Variants in TAFA1 observed in about 807,000 individuals in gnomAD.
TAFA1 encodes chemokine-like protein TAFA-1.
TAFA1 carries 4 observed loss-of-function variants against 18.5 expected under a neutral mutation model. That is an observed-to-expected ratio of 0.22 (90% CI 0.11 to 0.49). The LOEUF (loss-of-function observed/expected upper bound fraction) is 0.49. Ranked by LOEUF, TAFA1 falls within the 20% of genes least tolerant of loss-of-function variation. TAFA1 has a pLI of 0.98. For synonymous variants in TAFA1, 56 were observed against 55.2 expected (o/e 1.01, Z -0.06); for missense variants, 147 against 169.0 (o/e 0.87, Z 0.72).
At chr3:68,132,646 A>G (rs1484641040) in intron 2 of TAFA1, among the ~76,000 whole-genome samples, 2 of 151,984 alleles carry the variant, frequency 1.3e-5, no homozygotes, top group Non-Finnish European at 2.9e-5. Context: ...GCTTTTTTTC[A>G]TATATTTGTT....
In TAFA1 at chr3:68,521,845, T is replaced by G. The variant is rs547862770; in HGVS notation, c.260-16911T>G. On this transcript the variant is annotated intron_variant, in intron 3 of 4. Coordinates refer to ENST00000478136, the MANE Select transcript of TAFA1 (RefSeq NM_213609.4). ...ATAGAAGTGAGTCTGGGTTTTTCTG[T>G]GTTTTTTTCTGTTTTTTTTTTTTTT... Among the ~76,000 whole-genome samples, 6 of 103,612 alleles carry G rather than the reference T, an allele frequency of 5.8e-5. No individual in the cohort carries two copies. The South Asian group carries it at 2.5e-3, about 43-fold the overall frequency. 68.0% of individuals were successfully genotyped at this position (103,612 alleles called of 152,430 possible).
Position 68,544,466 on chromosome 3 carries a change from C to CT in TAFA1, c.385-19dup, listed in dbSNP as rs755387529. ...GTTTGCACTGTTCTCCCTGAAATGT[C>CT]TGTCTTTCTTTGGTTTCAGATTCAC... On this transcript the variant is annotated intron_variant, in intron 4 of 4. Transcript: ENST00000478136. 6.2e-7 allele frequency: 1 copy of CT among 1,612,112 alleles called. No individual in the cohort carries two copies. Among genetic ancestry groups the CT allele is most frequent in the Admixed American group, 1.7e-5 (1 of 59,840 alleles).
At chr3:68,002,183 G>T (rs1265587775), upstream of TAFA1, among the ~76,000 whole-genome samples, 2 of 152,100 alleles carry the variant, frequency 1.3e-5, no homozygotes, top group African/African-American at 4.8e-5. Flanking sequence ...TACATTATTA[G>T]GACAAATGAT....
intron 2 of TAFA1, among the ~76,000 whole-genome samples, chr3:68,299,890 G>T (rs547323954): frequency 6.6e-6 from 1 of 152,332 alleles, no homozygotes; most frequent in African/African-American, 2.4e-5. Context: ...CAAGAATTGA[G>T]GTTTGGAAAC....
intron 2 of TAFA1, among the ~76,000 whole-genome samples, chr3:68,384,190 C>G (rs895492744): frequency 2.6e-5 from 4 of 151,890 alleles, no homozygotes; most frequent in African/African-American, 4.8e-5. Context: ...CAGTTCAGCT[C>G]TAATTTCGGT....
upstream of TAFA1, among the ~76,000 whole-genome samples, chr3:68,002,328 T>C (rs1306559471): frequency 6.6e-6 from 1 of 152,214 alleles, no homozygotes; most frequent in Non-Finnish European, 1.5e-5. Flanking sequence ...TTCTTAATTG[T>C]CAGCAATGCC....
chr3:68,454,047 C>T (rs888776961), intron 3 of TAFA1, among the ~76,000 whole-genome samples: 24 of 152,138 alleles, frequency 1.6e-4, no homozygotes, highest in African/African-American at 5.8e-4. Context: ...CAATGGGGCA[C>T]CTACAGCAAC....
intron 3 of TAFA1, among the ~76,000 whole-genome samples, chr3:68,532,457 C>T (rs1021838094): frequency 2.0e-5 from 3 of 152,036 alleles, no homozygotes; most frequent in African/African-American, 7.2e-5. Flanking sequence ...GTGGGCAGTG[C>T]TCAGAGAAAG....
At chr3:68,342,152 A>G (rs546423196) in intron 2 of TAFA1, among the ~76,000 whole-genome samples, 1 of 152,186 alleles carries the variant, frequency 6.6e-6, no homozygotes, top group Non-Finnish European at 1.5e-5. Context: ...GGCAAAAATA[A>G]GATAAAGGGA....
chr3:68,214,339 A>G (rs1162443986), intron 2 of TAFA1, among the ~76,000 whole-genome samples: 1 of 152,124 alleles, frequency 6.6e-6, no homozygotes, highest in Non-Finnish European at 1.5e-5. Flanking sequence ...AGAAGCTGTG[A>G]TGCTTTGATA....
At chr3:68,392,267 G>T (rs1446927914) in intron 2 of TAFA1, among the ~76,000 whole-genome samples, 1 of 150,696 alleles carries the variant, frequency 6.6e-6, no homozygotes, top group East Asian at 1.9e-4. Context: ...GACAAAGAAG[G>T]ATATTACATA....
At chr3:68,522,771 C>T (rs1463105446) in intron 3 of TAFA1, among the ~76,000 whole-genome samples, 1 of 151,980 alleles carries the variant, frequency 6.6e-6, no homozygotes, top group African/African-American at 2.4e-5. Flanking sequence ...ACTGCTTGAA[C>T]TCAGGAGGTG....
chr3:68,370,377 TACACATATATATAC>T (rs2069666567), intron 2 of TAFA1, among the ~76,000 whole-genome samples: 9 of 78,450 alleles, frequency 1.1e-4, no homozygotes, highest in African/African-American at 4.5e-4. Context: ...CATATATATA[TACACATATATATAC>T]ACACATATAT....
At chr3:68,220,617 T>A (rs998293022) in intron 2 of TAFA1, among the ~76,000 whole-genome samples, 16 of 152,146 alleles carry the variant, frequency 1.1e-4, no homozygotes, top group African/African-American at 3.9e-4. Flanking sequence ...TTATACAAAA[T>A]GATCAGTATC....
Position 68,235,217 on chromosome 3 carries a change from A to G in TAFA1, c.119-182063A>G, listed in dbSNP as rs569678597. Among the ~76,000 whole-genome samples the G allele has an allele frequency of 1.1e-4, 17 of 152,306 alleles. No homozygotes were observed. In the South Asian group the frequency reaches 3.1e-3, roughly 28 times the overall value. ...TTAGGTAGAAATCTTATTTTATTCCAACCGATGAATTTTTTTGAGTTAAAC... is the reference window on the plus strand; with the variant it reads ...TTAGGTAGAAATCTTATTTTATTCCGACCGATGAATTTTTTTGAGTTAAAC... On this transcript the variant is annotated intron_variant, in intron 2 of 4. Coordinates refer to ENST00000478136, the MANE Select transcript of TAFA1 (RefSeq NM_213609.4).
intron 2 of TAFA1, among the ~76,000 whole-genome samples, chr3:68,381,131 C>G (rs1259145849): frequency 8.7e-6 from 1 of 115,136 alleles, no homozygotes; most frequent in Admixed American, 9.6e-5. Context: ...TGGTCTATAT[C>G]TCTGTTTTGG....
chr3:68,242,998 TA>T (rs1454590033), intron 2 of TAFA1, among the ~76,000 whole-genome samples: 2 of 152,142 alleles, frequency 1.3e-5, no homozygotes, highest in Non-Finnish European at 2.9e-5. Flanking sequence ...GGATTTTGGC[TA>T]AAAACTAGAT....
chr3:68,412,145 A>T (rs73835136), intron 2 of TAFA1, among the ~76,000 whole-genome samples: 5,023 of 152,212 alleles, frequency 0.033, 284 homozygotes, highest in African/African-American at 0.11. Flanking sequence ...GGGGTCATTG[A>T]CTTTATATAC....
intron 3 of TAFA1, among the ~76,000 whole-genome samples, chr3:68,479,323 A>C (rs2072180278): frequency 6.6e-6 from 1 of 151,372 alleles, no homozygotes; most frequent in Admixed American, 6.6e-5. Flanking sequence ...TTGTCTGTAC[A>C]TATATGTGAA....
Sources: gnomAD v4.1 joint callset for allele counts (sites outside exome capture counted in the v4.1 genomes callset) on GRCh38, gnomAD v4.1.1 for gene constraint, MANE v1.5 for transcripts, NCBI Gene and HGNC (gene_info 2026-07-23, HGNC 2026-07-21) for gene names.